Variants in PTPRD observed in about 807,000 individuals in gnomAD.
PTPRD encodes receptor-type tyrosine-protein phosphatase delta.
Under a neutral mutation model 214.5 loss-of-function variants are expected in PTPRD, and 34 were observed. That is an observed-to-expected ratio of 0.16 (90% CI 0.12 to 0.21). The LOEUF is 0.21. Ranked by LOEUF, PTPRD falls within the 10% of genes least tolerant of loss-of-function variation. PTPRD has a pLI of 1.00. For synonymous variants in PTPRD, 1,128 were observed against 845.7 expected (o/e 1.33, Z -5.79); for missense variants, 2,545 against 2,398.7 (o/e 1.06, Z -1.27).
intron 7 of PTPRD, among the ~76,000 whole-genome samples, chr9:9,630,662 T>C (rs868763505): frequency 6.6e-6 from 1 of 152,078 alleles, no homozygotes; most frequent in South Asian, 2.1e-4. Flanking sequence ...GGGAGGAAAA[T>C]AGTGACTGGA....
intron 7 of PTPRD, among the ~76,000 whole-genome samples, chr9:9,696,174 T>C (rs1013047284): frequency 2.0e-5 from 3 of 152,168 alleles, no homozygotes; most frequent in African/African-American, 7.2e-5. Flanking sequence ...AGGTACTTGA[T>C]CTAATTTTGA....
chr9:8,684,495 T>C (rs2097635224), intron 12 of PTPRD, among the ~76,000 whole-genome samples: 1 of 152,152 alleles, frequency 6.6e-6, no homozygotes, highest in South Asian at 2.1e-4. Context: ...CCCCTACAAG[T>C]TCACACTGCA....
intron 9 of PTPRD, among the ~76,000 whole-genome samples, chr9:9,265,093 C>A (rs9299091): frequency 0.5 from 75,223 of 151,488 alleles, 20,084 homozygotes; most frequent in African/African-American, 0.71. Flanking sequence ...AAAACATATG[C>A]AAGTTAACTC....
chr9:10,306,877 C>T (rs2096088357), intron 3 of PTPRD, among the ~76,000 whole-genome samples: 1 of 152,050 alleles, frequency 6.6e-6, no homozygotes, highest in Non-Finnish European at 1.5e-5. Context: ...TTTCTCTTAT[C>T]AAACTATGTT....
chr9:8,876,219 T>G (rs2098387882), intron 11 of PTPRD, among the ~76,000 whole-genome samples: 1 of 119,818 alleles, frequency 8.3e-6, no homozygotes, highest in Non-Finnish European at 1.9e-5. Flanking sequence ...TGAGTATGTG[T>G]GTGTGTGTTG....
At chr9:8,546,996 G>C (rs2080357983) in intron 14 of PTPRD, among the ~76,000 whole-genome samples, 1 of 152,132 alleles carries the variant, frequency 6.6e-6, no homozygotes, top group Non-Finnish European at 1.5e-5. Context: ...ACATTAACCT[G>C]TCTTACTACA....
At chr9:9,945,724 C>A (rs1052071783) in intron 4 of PTPRD, among the ~76,000 whole-genome samples, 2 of 152,170 alleles carry the variant, frequency 1.3e-5, no homozygotes, top group East Asian at 3.9e-4. Flanking sequence ...ATTATTTTCA[C>A]ACATAAATAG....
chr9:9,921,959 A>T (rs1477618449), intron 5 of PTPRD, among the ~76,000 whole-genome samples: 1 of 152,094 alleles, frequency 6.6e-6, no homozygotes, highest in Non-Finnish European at 1.5e-5. Context: ...TTCAAGTCCA[A>T]GCAGTGTCGT....
At chr9:8,523,373 T>C (rs917496212) in intron 19 of PTPRD, 140 bp downstream of exon 19, 17 of 981,428 alleles carry the variant, frequency 1.7e-5, no homozygotes, top group Non-Finnish European at 2.5e-5. Context: ...CCAGAAGCCA[T>C]GGCCAGGGCA....
At chr9:8,575,614 T>C (rs2092226413) in intron 14 of PTPRD, among the ~76,000 whole-genome samples, 2 of 152,184 alleles carry the variant, frequency 1.3e-5, no homozygotes, top group African/African-American at 4.8e-5. Context: ...TATTCGTTTA[T>C]TTGGTAAGCA....
chr9:8,318,911 C>CAGAT (rs770925616), intron 45 of PTPRD, among the ~76,000 whole-genome samples: 21 of 152,030 alleles, frequency 1.4e-4, no homozygotes, highest in African/African-American at 2.9e-4. Context: ...TGAAAGTAGA[C>CAGAT]AGATAGTTTC....
chr9:9,232,346 T>A (rs967028388), intron 9 of PTPRD, among the ~76,000 whole-genome samples: 1 of 152,168 alleles, frequency 6.6e-6, no homozygotes, highest in Non-Finnish European at 1.5e-5. Flanking sequence ...ACTAAAGAAC[T>A]ATCAATCTGT....
intron 11 of PTPRD, among the ~76,000 whole-genome samples, chr9:8,992,185 G>A (rs761829080): frequency 6.6e-6 from 1 of 152,102 alleles, no homozygotes; most frequent in Admixed American, 6.6e-5. Flanking sequence ...AATGGCTATA[G>A]AAGGAAAGAA....
intron 11 of PTPRD, among the ~76,000 whole-genome samples, chr9:8,979,009 A>G (rs550001005): frequency 7.1e-4 from 108 of 152,136 alleles, no homozygotes; most frequent in Non-Finnish European, 1.4e-3. Flanking sequence ...GGTTACTTTA[A>G]AGAGTCTTGT....
At chr9:10,527,700 C>T (rs2054733838) in intron 2 of PTPRD, among the ~76,000 whole-genome samples, 1 of 152,108 alleles carries the variant, frequency 6.6e-6, no homozygotes, top group Admixed American at 6.6e-5. Context: ...TAAGAAGATT[C>T]ACACTGATAA....
chr9:9,995,226 C>T (rs1024366706), intron 4 of PTPRD, among the ~76,000 whole-genome samples: 1 of 152,110 alleles, frequency 6.6e-6, no homozygotes, highest in African/African-American at 2.4e-5. Flanking sequence ...GGTTTGGCAG[C>T]ATACTTCACT....
chr9:8,465,937 G>C (rs1293532577), intron 31 of PTPRD, among the ~76,000 whole-genome samples: 1 of 151,810 alleles, frequency 6.6e-6, no homozygotes, highest in Non-Finnish European at 1.5e-5. Context: ...CTTTGCTGTA[G>C]CTCATTTCAT....
chr9:9,619,624 A>T (rs2154351836), intron 7 of PTPRD, among the ~76,000 whole-genome samples: 1 of 145,814 alleles, frequency 6.9e-6, no homozygotes, highest in Non-Finnish European at 1.5e-5. Context: ...TATATATAAT[A>T]ATCTATATGT....
chr9:8,358,437 G>T (rs1375423748), intron 39 of PTPRD, among the ~76,000 whole-genome samples: 2 of 152,106 alleles, frequency 1.3e-5, no homozygotes, highest in African/African-American at 4.8e-5. Context: ...AAAGAACCAG[G>T]CTGGCAAACA....
Sources: allele counts gnomAD v4.1 joint callset (sites outside exome capture counted in the v4.1 genomes callset), GRCh38; gene constraint gnomAD v4.1.1; transcripts MANE v1.5; gene names NCBI Gene and HGNC (gene_info 2026-07-23, HGNC 2026-07-21).